Variants in GRXCR1 observed in about 807,000 individuals in gnomAD.
GRXCR1 encodes glutaredoxin domain-containing cysteine-rich protein 1.
A neutral mutation model predicts 27.3 loss-of-function variants in GRXCR1; 27 were observed. The ratio of observed to expected loss-of-function variants is 0.99; its 90% CI spans 0.73 to 1.37. GRXCR1 has a LOEUF of 1.37. Ranked by LOEUF, GRXCR1 falls within the 40% of genes most tolerant of loss-of-function variation. GRXCR1 has a pLI of 0.00. For synonymous variants in GRXCR1, 122 were observed against 131.1 expected, an observed-to-expected ratio of 0.93 and a Z score of 0.47; for missense variants, 379 against 354.4, an observed-to-expected ratio of 1.07 and a Z score of -0.56.
intron 1 of GRXCR1, among the ~76,000 whole-genome samples, chr4:42,898,076 T>C (rs867554221): frequency 2.6e-5 from 4 of 151,834 alleles, no homozygotes; most frequent in Non-Finnish European, 4.4e-5. Context: ...TCAAAAGTGT[T>C]GTACTATATG....
At chr4:42,927,808 T>C (rs1425869636) in intron 1 of GRXCR1, among the ~76,000 whole-genome samples, 2 of 151,924 alleles carry the variant, frequency 1.3e-5, no homozygotes, top group South Asian at 4.1e-4. Flanking sequence ...ATTTTCCCCA[T>C]TAAGGGTAAA....
intron 1 of GRXCR1, among the ~76,000 whole-genome samples, chr4:42,918,048 A>G (rs1047801878): frequency 1.3e-5 from 2 of 152,166 alleles, no homozygotes; most frequent in African/African-American, 2.4e-5. Flanking sequence ...AATGGAAAGC[A>G]GCAGAGATCA....
At position 42,991,352 on chromosome 4, in the gene GRXCR1, T is replaced by C. The variant is rs541364428; in HGVS notation, c.627+28218T>C. Among the ~76,000 whole-genome samples, 183 of 152,118 alleles carry C rather than the reference T, an allele frequency of 1.2e-3. 1 individual carries two copies. Among genetic ancestry groups the C allele is most frequent in the African/African-American group, 4.2e-3 (173 of 41,538 alleles). The stretch of plus-strand genomic sequence containing the variant: ...TTATATTTATTGTCTTAAACAAAAT[T>C]TTTTTCTTACCATTCTTATGCCATT... On this transcript the variant is annotated intron_variant, in intron 2 of 3. Coordinates refer to ENST00000399770, the MANE Select transcript of GRXCR1 (RefSeq NM_001080476.3).
chr4:42,977,261 T>C (rs1176217624), intron 2 of GRXCR1, among the ~76,000 whole-genome samples: 1 of 152,028 alleles, frequency 6.6e-6, no homozygotes, highest in Non-Finnish European at 1.5e-5. Context: ...CTGTTATGAA[T>C]AATGCTGCAC....
In GRXCR1 at chr4:42,997,434, A is replaced by G. The variant is rs73177786; in HGVS notation, c.628-22920A>G. Among the ~76,000 whole-genome samples, 50 of 152,324 alleles carry G rather than the reference A, an allele frequency of 3.3e-4. 1 individual carries two copies. The highest frequency in any genetic ancestry group is 1.2e-3 in the African/African-American group (50 of 41,576). ...GAATAATAATAAAAATATGTAGCTG[A>G]AAATGTATAAACCGTGTTTTTTTAT... On this transcript the variant is annotated intron_variant, in intron 2 of 3. Coordinates refer to ENST00000399770, the MANE Select transcript of GRXCR1 (RefSeq NM_001080476.3).
intron 2 of GRXCR1, among the ~76,000 whole-genome samples, chr4:43,009,817 C>T (rs1712681135): frequency 6.6e-6 from 1 of 152,166 alleles, no homozygotes; most frequent in African/African-American, 2.4e-5. Context: ...ATGACTTTTG[C>T]TGTAGACATT....
intron 3 of GRXCR1, among the ~76,000 whole-genome samples, chr4:43,030,139 C>T (rs1472811084): frequency 6.6e-6 from 1 of 152,130 alleles, no homozygotes; most frequent in Admixed American, 6.5e-5. Context: ...ACAAACCAAG[C>T]CTGTGGTATA....
intron 1 of GRXCR1, among the ~76,000 whole-genome samples, chr4:42,937,903 A>AAC (rs1747497078): frequency 6.6e-6 from 1 of 151,992 alleles, no homozygotes; most frequent in Non-Finnish European, 1.5e-5. Flanking sequence ...TGAAGCATTT[A>AAC]TCATTTCTTT....
chr4:42,960,413 C>T (rs1748105251), intron 1 of GRXCR1, among the ~76,000 whole-genome samples: 1 of 151,868 alleles, frequency 6.6e-6, no homozygotes, highest in South Asian at 2.1e-4. Context: ...TTGCTGATAC[C>T]TGTTAATATG....
At chr4:42,909,044 T>C (rs562746935) in intron 1 of GRXCR1, among the ~76,000 whole-genome samples, 2 of 152,282 alleles carry the variant, frequency 1.3e-5, no homozygotes, top group South Asian at 2.1e-4. Context: ...AGGACTTACA[T>C]GCGGGGATGC....
intron 1 of GRXCR1, among the ~76,000 whole-genome samples, chr4:42,909,406 A>G (rs1465074737): frequency 6.6e-6 from 1 of 152,210 alleles, no homozygotes; most frequent in Non-Finnish European, 1.5e-5. Flanking sequence ...TGGGGATACT[A>G]GAAAGTTTCT....
chr4:42,990,352 C>T (rs983419853), intron 2 of GRXCR1, among the ~76,000 whole-genome samples: 3 of 150,434 alleles, frequency 2.0e-5, no homozygotes, highest in Non-Finnish European at 4.4e-5. Flanking sequence ...CCACTACGCC[C>T]GGCTAATTTT....
chr4:42,952,940 T>C (rs932372636), intron 1 of GRXCR1, among the ~76,000 whole-genome samples: 1 of 152,214 alleles, frequency 6.6e-6, no homozygotes, highest in Non-Finnish European at 1.5e-5. Context: ...TCTGATTCTA[T>C]GCTCACTAAG....
At position 42,963,066 on chromosome 4, in the gene GRXCR1, G is replaced by A. The variant is rs774798847; in HGVS notation, c.559G>A (p.Glu187Lys). 4 of 1,612,778 alleles carry A rather than the reference G, an allele frequency of 2.5e-6. No individual in the cohort carries two copies. The Middle Eastern group carries it at 5.0e-4, about 200-fold the overall frequency. The part of the protein sequence containing the change: ...LNGEYGKELD[E>K]RCRRVSEAPS... ...TGGTGAATATGGAAAAGAGTTAGAC[G>A]AACGATGCCGACGAGTTTCTGAAGC... is the stretch of plus-strand genomic sequence containing the variant. The change falls in exon 2 of 4, where the codon GAA becomes AAA. Residue 187 changes from glutamate (E) to lysine (K), a missense_variant. By Grantham distance (56) the Glu-to-Lys change is moderately conservative (BLOSUM62 1). Transcript: ENST00000399770.
At chr4:42,909,445 C>A (rs1303101090) in intron 1 of GRXCR1, among the ~76,000 whole-genome samples, 1 of 152,064 alleles carries the variant, frequency 6.6e-6, no homozygotes, top group Non-Finnish European at 1.5e-5. Context: ...GAAAAAGGAA[C>A]AAAACAAACA....
intron 2 of GRXCR1, among the ~76,000 whole-genome samples, chr4:42,983,408 G>A (rs1166192003): frequency 2.6e-5 from 4 of 151,026 alleles, no homozygotes; most frequent in African/African-American, 9.8e-5. Context: ...CTGTTCCATT[G>A]ATCTATATCT....
chr4:42,917,596 C>T (rs539489641), intron 1 of GRXCR1, among the ~76,000 whole-genome samples: 16 of 152,216 alleles, frequency 1.1e-4, no homozygotes, highest in African/African-American at 3.6e-4. Flanking sequence ...TAAATTGTCA[C>T]TGAAGCAGGT....
At chr4:42,940,033 C>T (rs6818868) in intron 1 of GRXCR1, among the ~76,000 whole-genome samples, 42,392 of 151,788 alleles carry the variant, frequency 0.28, 6,473 homozygotes, top group African/African-American at 0.4. Flanking sequence ...GAGCAGGCCT[C>T]GGTGGTGGAG....
intron 1 of GRXCR1, among the ~76,000 whole-genome samples, chr4:42,962,470 T>C (rs950678453): frequency 1.3e-5 from 2 of 151,950 alleles, no homozygotes; most frequent in African/African-American, 4.8e-5. Flanking sequence ...GATAAATTGA[T>C]AAGTAGAAGA....
Sources: gnomAD v4.1 joint callset for allele counts (sites outside exome capture counted in the v4.1 genomes callset) on GRCh38, gnomAD v4.1.1 for gene constraint, MANE v1.5 for transcripts, NCBI Gene and HGNC (gene_info 2026-07-23, HGNC 2026-07-21) for gene names.